The following NCALD variants were observed in gnomAD, a reference collection of about 807,000 sequenced individuals.
NCALD encodes neurocalcin delta, also known as neurocalcin-delta.
A neutral mutation model predicts 18.6 loss-of-function variants in NCALD; 10 were observed. The observed-to-expected ratio is 0.54, with a 90% CI of 0.33 to 0.91. The LOEUF (loss-of-function observed/expected upper bound fraction) is 0.91. Among genes scored for constraint, NCALD ranks in the 40% least tolerant of loss-of-function variants. The pLI, the probability that NCALD is intolerant of heterozygous loss-of-function variation, is 0.03. For synonymous variants in NCALD, 88 were observed against 87.4 expected, an observed-to-expected ratio of 1.01 and a Z score of -0.04; for missense variants, 184 against 247.6, an observed-to-expected ratio of 0.74 and a Z score of 1.72.
chr8:101,906,432 C>T (rs113580989), intron 3 of NCALD, among the ~76,000 whole-genome samples: 7,048 of 152,256 alleles, frequency 0.046, 257 homozygotes, highest in African/African-American at 0.1. Context: ...GTTCGGTCTC[C>T]AGTTGCAATG....
intron 2 of NCALD, among the ~76,000 whole-genome samples, chr8:101,933,274 C>T (rs1818642912): frequency 6.6e-6 from 1 of 152,200 alleles, no homozygotes; most frequent in South Asian, 2.1e-4. Context: ...TATCTGAAAG[C>T]ACCCACTGTA....
At chr8:101,772,063 A>G (rs1416812440) in intron 1 of NCALD, among the ~76,000 whole-genome samples, 1 of 152,170 alleles carries the variant, frequency 6.6e-6, no homozygotes, top group East Asian at 1.9e-4. Context: ...AGAGTTCTAC[A>G]CACCCCTGAG....
chr8:102,105,001 A>T (rs1587091660), intron 1 of NCALD, among the ~76,000 whole-genome samples: 1 of 152,324 alleles, frequency 6.6e-6, no homozygotes, highest in African/African-American at 2.4e-5. Context: ...TTCTGATGGT[A>T]TCTCGATATA....
intron 1 of NCALD, among the ~76,000 whole-genome samples, chr8:102,022,278 C>A (rs975303414): frequency 2.6e-5 from 4 of 152,052 alleles, no homozygotes; most frequent in African/African-American, 9.7e-5. Flanking sequence ...ATCTCTGAGT[C>A]CCCACAGAAC....
chr8:102,095,254 G>A (rs1247851226), intron 1 of NCALD, among the ~76,000 whole-genome samples: 2 of 152,132 alleles, frequency 1.3e-5, no homozygotes, highest in Admixed American at 6.5e-5. Context: ...GATAGAGGGT[G>A]GCAGATGGAG....
At chr8:101,771,841 AGG>A (rs1811597022) in intron 1 of NCALD, among the ~76,000 whole-genome samples, 1 of 152,238 alleles carries the variant, frequency 6.6e-6, no homozygotes, top group Non-Finnish European at 1.5e-5. Context: ...GATATACGCA[AGG>A]TACTATCTAT....
chr8:101,935,156 A>G (rs1032511421), intron 2 of NCALD, among the ~76,000 whole-genome samples: 1 of 151,962 alleles, frequency 6.6e-6, no homozygotes, highest in African/African-American at 2.4e-5. Context: ...AATTAATAAG[A>G]GAAAATGTGA....
intron 1 of NCALD, among the ~76,000 whole-genome samples, chr8:102,116,645 AT>A (rs771900406): frequency 2.0e-5 from 3 of 151,814 alleles, no homozygotes; most frequent in South Asian, 2.1e-4. Flanking sequence ...AAGAGGCCTA[AT>A]TTTTTTTCTT....
chr8:101,871,610 G>A (rs976647115), intron 4 of NCALD, among the ~76,000 whole-genome samples: 3 of 147,498 alleles, frequency 2.0e-5, no homozygotes, highest in African/African-American at 5.2e-5. Context: ...CATACCAATA[G>A]CTGGTTTTAA....
intron 2 of NCALD, among the ~76,000 whole-genome samples, chr8:101,930,417 T>A (rs941642558): frequency 6.6e-6 from 1 of 151,990 alleles, no homozygotes; most frequent in African/African-American, 2.4e-5. Flanking sequence ...TCTTAACCAA[T>A]CATAGGCAAA....
intron 2 of NCALD, among the ~76,000 whole-genome samples, chr8:101,715,992 C>G (rs998554223): frequency 6.6e-5 from 10 of 152,316 alleles, no homozygotes; most frequent in African/African-American, 2.2e-4. Flanking sequence ...GATTATAAAT[C>G]ATTCTGCTGT....
chr8:101,699,788 A>G (rs1815171598), intron 2 of NCALD, among the ~76,000 whole-genome samples: 1 of 152,162 alleles, frequency 6.6e-6, no homozygotes, highest in African/African-American at 2.4e-5. Flanking sequence ...GAGGGAGAGC[A>G]TTAGGACAAA....
chr8:102,109,174 T>A (rs935446537), intron 1 of NCALD, among the ~76,000 whole-genome samples: 3 of 152,168 alleles, frequency 2.0e-5, no homozygotes, highest in Non-Finnish European at 2.9e-5. Flanking sequence ...TCCAGGTAAA[T>A]GCAAATTCTT....
At chr8:102,007,553 T>C (rs1821755808) in intron 2 of NCALD, among the ~76,000 whole-genome samples, 1 of 152,218 alleles carries the variant, frequency 6.6e-6, no homozygotes, top group South Asian at 2.1e-4. Flanking sequence ...AACTACAGCA[T>C]GATTACTTGA....
intron 4 of NCALD, among the ~76,000 whole-genome samples, chr8:101,833,610 GTTTTTTTT>G (rs555031298): frequency 1.1e-5 from 1 of 88,474 alleles, no homozygotes; most frequent in African/African-American, 4.4e-5. Flanking sequence ...TTTGTTTCTT[GTTTTTTTT>G]TTTTTTTTTT....
At chr8:101,911,501 G>A (rs1563889153) in intron 3 of NCALD, among the ~76,000 whole-genome samples, 1 of 151,698 alleles carries the variant, frequency 6.6e-6, no homozygotes, top group Non-Finnish European at 1.5e-5. Flanking sequence ...GAGACTGCAG[G>A]CAGACACCAC....
chr8:101,830,154 T>G (rs1442039993), intron 4 of NCALD, among the ~76,000 whole-genome samples: 1 of 152,210 alleles, frequency 6.6e-6, no homozygotes, highest in East Asian at 1.9e-4. Context: ...TTAAATGAAT[T>G]GCTGATCTCA....
intron 3 of NCALD, among the ~76,000 whole-genome samples, chr8:101,890,603 C>A (rs541550088): frequency 6.6e-6 from 1 of 152,304 alleles, no homozygotes; most frequent in African/African-American, 2.4e-5. Flanking sequence ...TGCCCCTCTG[C>A]CCTTCTGCCA....
Position 101,803,140 on chromosome 8 carries a change from A to T in NCALD, c.-19-83492T>A, listed in dbSNP as rs111525905. On this transcript the variant is annotated intron_variant, in intron 4 of 6. Coordinates refer to the NCALD transcript ENST00000311028. ...AAAAACAGGCTGACTCTTTGTTAGG[A>T]GCTAATGCAAGTGGTAACTTTAACT... Among the ~76,000 whole-genome samples, 553 of 152,318 alleles carry T rather than the reference A, an allele frequency of 3.6e-3. 2 individuals carry two copies. The highest frequency in any genetic ancestry group is 0.012 in the African/African-American group (512 of 41,568).
Sources: gnomAD v4.1 joint callset for allele counts (sites outside exome capture counted in the v4.1 genomes callset) on GRCh38, gnomAD v4.1.1 for gene constraint, MANE v1.5 for transcripts, NCBI Gene and HGNC (gene_info 2026-07-23, HGNC 2026-07-21) for gene names.